Variants in SGCZ observed in about 807,000 individuals in gnomAD.
The protein encoded by SGCZ is zeta-sarcoglycan.
SGCZ carries 40 observed loss-of-function variants against 41.3 expected under a neutral mutation model. The ratio of observed to expected loss-of-function variants is 0.97; its 90% CI spans 0.75 to 1.26. SGCZ has a LOEUF of 1.26. Ranked by LOEUF, SGCZ falls within the 50% of genes most tolerant of loss-of-function variation. The pLI is 0.00. For missense variants in SGCZ, 552 were observed against 369.8 expected (o/e 1.49, Z -4.04); for synonymous variants, 206 against 137.5 (o/e 1.50, Z -3.49).
chr8:14,695,595 G>A (rs926595557), intron 1 of SGCZ, among the ~76,000 whole-genome samples: 1 of 151,988 alleles, frequency 6.6e-6, no homozygotes, highest in African/African-American at 2.4e-5. Flanking sequence ...CTTCCTTACA[G>A]CAACATGGCT....
intron 4 of SGCZ, among the ~76,000 whole-genome samples, chr8:14,210,964 G>A (rs1018518833): frequency 6.6e-6 from 1 of 152,140 alleles, no homozygotes; most frequent in Non-Finnish European, 1.5e-5. Flanking sequence ...GCAAGACTCT[G>A]CATTGGAAAT....
At chr8:14,215,934 C>G (rs1805978987) in intron 4 of SGCZ, among the ~76,000 whole-genome samples, 1 of 152,176 alleles carries the variant, frequency 6.6e-6, no homozygotes, top group African/African-American at 2.4e-5. Flanking sequence ...ACACAGGTAC[C>G]CAGTGAAAGA....
intron 1 of SGCZ, among the ~76,000 whole-genome samples, chr8:15,033,991 A>G (rs535047878): frequency 1.3e-5 from 2 of 152,334 alleles, no homozygotes; most frequent in South Asian, 2.1e-4. Context: ...ATCTTTAAAG[A>G]CTAAAATAAT....
chr8:14,566,114 G>A (rs1211075036), intron 1 of SGCZ, among the ~76,000 whole-genome samples: 1 of 152,246 alleles, frequency 6.6e-6, no homozygotes, highest in Non-Finnish European at 1.5e-5. Context: ...AAATGAAACA[G>A]AAGATCTTGC....
chr8:14,721,604 G>C (rs925900133), intron 1 of SGCZ, among the ~76,000 whole-genome samples: 5 of 152,082 alleles, frequency 3.3e-5, no homozygotes, highest in African/African-American at 1.2e-4. Flanking sequence ...TCACAGCCTG[G>C]TCTAAGGCAC....
In SGCZ at chr8:14,440,739, GTATATA is replaced by G. The variant is rs1483526477; in HGVS notation, c.234+113987_234+113992del. 7.6e-5 allele frequency among the ~76,000 whole-genome samples: 11 copies of G among 145,148 alleles called. 1 individual carries two copies. The highest frequency in any genetic ancestry group is 2.1e-4 in the Admixed American group (3 of 14,544). ...TACGTATACACGTATATGTATATATGTATATACATACGTATACACGTATATGTATAT... is the reference window on the plus strand; with the variant it reads ...TACGTATACACGTATATGTATATATGCATACGTATACACGTATATGTATAT... On this transcript the variant is annotated intron_variant, in intron 2 of 7. Coordinates refer to ENST00000382080, the MANE Select transcript of SGCZ (RefSeq NM_139167.4).
At chr8:14,248,277 C>T (rs896851103) in intron 3 of SGCZ, among the ~76,000 whole-genome samples, 4 of 152,152 alleles carry the variant, frequency 2.6e-5, no homozygotes, top group African/African-American at 7.2e-5. Flanking sequence ...TGATGAGTTA[C>T]ATAAAAAGCT....
rs193117792 is a variant in SGCZ, at chr8:15,017,277, A to G, written c.39+220308T>C. Among the ~76,000 whole-genome samples, 85 of 152,278 alleles carry G rather than the reference A, an allele frequency of 5.6e-4. 2 individuals are homozygous for G. The highest frequency in any genetic ancestry group is 1.5e-4 in the Non-Finnish European group (10 of 68,034). On this transcript the variant is annotated intron_variant, in intron 1 of 7. Transcript: ENST00000382080. ...ATTTTTATATAGGATTCGATAATGC[A>G]TGAAAATGACAGTTTCCCAGGCAAA...
intron 1 of SGCZ, among the ~76,000 whole-genome samples, chr8:15,156,935 A>G (rs1408529380): frequency 1.4e-5 from 2 of 145,602 alleles, no homozygotes; most frequent in Non-Finnish European, 3.0e-5. Context: ...CAAGAGGGAA[A>G]CTCTGTCTCA....
chr8:14,684,396 A>G (rs1354233496), intron 1 of SGCZ, among the ~76,000 whole-genome samples: 1 of 152,168 alleles, frequency 6.6e-6, no homozygotes, highest in Non-Finnish European at 1.5e-5. Context: ...GGTTCGTTAC[A>G]TCACATTTCA....
chr8:14,685,830 T>C (rs1042173765), intron 1 of SGCZ, among the ~76,000 whole-genome samples: 2 of 152,122 alleles, frequency 1.3e-5, no homozygotes, highest in Non-Finnish European at 2.9e-5. Flanking sequence ...ATTCTGTCAA[T>C]AAATGTTCAT....
chr8:14,525,119 G>A (rs2117109702), intron 2 of SGCZ, among the ~76,000 whole-genome samples: 1 of 151,428 alleles, frequency 6.6e-6, no homozygotes, highest in East Asian at 2.0e-4. Flanking sequence ...ATGATAGATA[G>A]ATAGATACAT....
intron 5 of SGCZ, among the ~76,000 whole-genome samples, chr8:14,144,706 T>G (rs1803470421): frequency 6.6e-6 from 1 of 152,186 alleles, no homozygotes. Flanking sequence ...GACTTGACTC[T>G]TGGATGGCAC....
intron 1 of SGCZ, among the ~76,000 whole-genome samples, chr8:14,829,769 A>G (rs534183867): frequency 6.6e-6 from 1 of 152,198 alleles, no homozygotes; most frequent in South Asian, 2.1e-4. Flanking sequence ...AAAAAAAATC[A>G]TAAAACTTGT....
At chr8:14,600,157 C>G in intron 1 of SGCZ, among the ~76,000 whole-genome samples, 1 of 152,034 alleles carries the variant, frequency 6.6e-6, no homozygotes, top group East Asian at 1.9e-4. Flanking sequence ...TTTACTTGGA[C>G]TTCTGGGCAC....
At chr8:14,560,134 T>C (rs1310215880) in intron 1 of SGCZ, among the ~76,000 whole-genome samples, 4 of 152,180 alleles carry the variant, frequency 2.6e-5, no homozygotes, top group East Asian at 3.9e-4. Context: ...AGTTCTAGCA[T>C]TTCAGCAGAA....
chr8:14,899,112 G>T (rs537154890), intron 1 of SGCZ, among the ~76,000 whole-genome samples: 2 of 151,990 alleles, frequency 1.3e-5, no homozygotes, highest in African/African-American at 4.8e-5. Flanking sequence ...GAGGACAATC[G>T]CATAATAGCT....
intron 1 of SGCZ, among the ~76,000 whole-genome samples, chr8:15,204,094 C>T (rs1800983504): frequency 6.6e-6 from 1 of 152,148 alleles, no homozygotes; most frequent in African/African-American, 2.4e-5. Context: ...TAGCTATCTA[C>T]TCCTAGCATT....
intron 1 of SGCZ, among the ~76,000 whole-genome samples, chr8:14,991,898 C>T (rs1404550744): frequency 6.6e-6 from 1 of 151,402 alleles, no homozygotes; most frequent in Non-Finnish European, 1.5e-5. Flanking sequence ...ATCCAATCTA[C>T]TCCCAAATAT....
Sources: allele counts gnomAD v4.1 joint callset (sites outside exome capture counted in the v4.1 genomes callset), GRCh38; gene constraint gnomAD v4.1.1; transcripts MANE v1.5; gene names NCBI Gene and HGNC (gene_info 2026-07-23, HGNC 2026-07-21).